Variants in ST6GALNAC6 observed in about 807,000 individuals in gnomAD.
ST6GALNAC6 encodes alpha-N-acetylgalactosaminide alpha-2,6-sialyltransferase 6.
In ST6GALNAC6, 19 loss-of-function variants were observed where a neutral mutation model predicts 34.3. The observed-to-expected ratio is 0.55, with a 90% confidence interval of 0.39 to 0.81. The LOEUF (loss-of-function observed/expected upper bound fraction) is 0.81, where lower values mean the gene tolerates loss of function less well. Ranked by LOEUF, ST6GALNAC6 falls within the 40% of genes least tolerant of loss-of-function variation. The pLI is 0.00. For missense variants in ST6GALNAC6, 377 were observed against 467.7 expected (o/e 0.81, Z 1.79); for synonymous variants, 185 against 182.1 (o/e 1.02, Z -0.13).
Position 127,891,008 on chromosome 9 carries a change from G to A in ST6GALNAC6, c.333C>T (p.Val111=). ...TGCCCAGCAGGTGGCTGGAGCTGCTGACAATCACACACTGGTGGCACCGAG... is the reference window on the plus strand; with the variant it reads ...TGCCCAGCAGGTGGCTGGAGCTGCTAACAATCACACACTGGTGGCACCGAG... ...LPSRCHQCVI[V]SSSSHLLGTK... The change falls in exon 5 of 7, where the codon GTC becomes GTT. Residue 111 remains valine (V), a synonymous_variant. Coordinates refer to ENST00000373146, the MANE Select transcript of ST6GALNAC6 (RefSeq NM_013443.5). 3 of 1,614,080 alleles carry A rather than the reference G, an allele frequency of 1.9e-6. No homozygotes were observed. The highest frequency in any genetic ancestry group is 1.7e-6 in the Non-Finnish European group (2 of 1,180,030).
chr9:127,900,991 C>CAAAAAAAAAAAAAAAAAAAA (rs56673204), upstream of ST6GALNAC6, among the ~76,000 whole-genome samples: 15 of 61,006 alleles, frequency 2.5e-4, no homozygotes, highest in East Asian at 2.5e-3. Flanking sequence ...AACTCCCTAT[C>CAAAAAAAAAAAAAAAAAAAA]AAAAAAAAAA....
At position 127,888,583 on chromosome 9, in the gene ST6GALNAC6, C is replaced by A. The variant is rs183804403; in HGVS notation, c.705-992G>T. ...CAGCACTTTGGGAGGCCAAGGCGGG[C>A]AGATCACGAAGTCAAGAGATTGAGA... On this transcript the variant is annotated intron_variant, in intron 5 of 6. Transcript: ENST00000373146. Among the ~76,000 whole-genome samples the A allele has an allele frequency of 3.3e-4, 49 of 149,720 alleles. No individual in the cohort carries two copies. In the East Asian group the frequency reaches 9.8e-3, roughly 30 times the overall value.
At chr9:127,896,155 G>T in intron 3 of ST6GALNAC6, 87 bp downstream of exon 3, 4 of 1,436,998 alleles carry the variant, frequency 2.8e-6, no homozygotes, top group Non-Finnish European at 3.9e-6. Flanking sequence ...ACTCGTGGTG[G>T]CTGGGGTCTG....
chr9:127,886,866 C>A, intron 6 of ST6GALNAC6, 78 bp from the exon 7 acceptor site: 1 of 1,409,498 alleles, frequency 7.1e-7, no homozygotes, highest in African/African-American at 1.4e-5. Context: ...CCTCGCTTAC[C>A]ATAGGACCTC....
At position 127,886,805 on chromosome 9, in the gene ST6GALNAC6, G is replaced by C; in HGVS notation, c.813-17C>G. 6.3e-7 allele frequency: 1 copy of C among 1,583,000 alleles called. No homozygotes were observed. The highest frequency in any genetic ancestry group is 1.3e-5 in the African/African-American group (1 of 74,210). Reference sequence around the variant, plus strand: ...GGCCGCTGGCTGGGACAGAGCAGACGGGCGTCATCAGGGCAAGGTGAGCGC... The same window carrying C: ...GGCCGCTGGCTGGGACAGAGCAGACCGGCGTCATCAGGGCAAGGTGAGCGC... On this transcript the variant is annotated splice_polypyrimidine_tract_variant and intron_variant, in intron 6 of 6. Transcript: ENST00000373146.
upstream of ST6GALNAC6, among the ~76,000 whole-genome samples, chr9:127,900,168 T>C (rs561223243): frequency 2.0e-3 from 301 of 152,310 alleles, no homozygotes; most frequent in African/African-American, 6.9e-3. Flanking sequence ...ATGACATCAC[T>C]CTACGTGATA....
chr9:127,889,444 CTTT>C (rs200272209), intron 5 of ST6GALNAC6, among the ~76,000 whole-genome samples: 66 of 139,516 alleles, frequency 4.7e-4, no homozygotes, highest in Admixed American at 5.8e-4. Flanking sequence ...TCTTTTTTTT[CTTT>C]TTTTTTTTTT....
In ST6GALNAC6 at chr9:127,890,955, GC is replaced by G. The variant is rs771675051; in HGVS notation, c.385del (p.Ala129LeufsTer7). ...GTKLGPEIER[A>X]ECTIRMNDAP... ...ATCATTCATGCGGATTGTACACTCA[GC>G]CCGCTCGATCTCAGGGCCCAGCTTG... On this transcript the variant is annotated frameshift_variant, in exon 5 of 7. Coordinates refer to ENST00000373146, the MANE Select transcript of ST6GALNAC6 (RefSeq NM_013443.5). LOFTEE classifies it high-confidence loss of function. This position sits in a 1 kb window ranked among gnomAD's most constrained non-coding sequence, Gnocchi z 4.3. 1.2e-6 allele frequency: 2 copies of G among 1,614,164 alleles called. No individual in the cohort carries two copies. The highest frequency in any genetic ancestry group is 2.2e-5 in the South Asian group (2 of 91,070).
intron 4 of ST6GALNAC6, among the ~76,000 whole-genome samples, chr9:127,892,404 C>A (rs962798867): frequency 6.6e-6 from 1 of 152,206 alleles, no homozygotes; most frequent in Non-Finnish European, 1.5e-5. Context: ...CACAAGGTAA[C>A]AACTGAGACA....
At chr9:127,901,307 G>A (rs1219735603), upstream of ST6GALNAC6, among the ~76,000 whole-genome samples, 1 of 152,128 alleles carries the variant, frequency 6.6e-6, no homozygotes, top group Non-Finnish European at 1.5e-5. Context: ...CTACACAATA[G>A]GGGCCGGGCG....
At position 127,890,843 on chromosome 9, in the gene ST6GALNAC6, C is replaced by T. The variant is rs1830091497; in HGVS notation, c.498G>A (p.Arg166=). The change falls in exon 5 of 7, where the codon AGG becomes AGA. Residue 166 remains arginine, a synonymous_variant. Coordinates refer to ENST00000373146, the MANE Select transcript of ST6GALNAC6 (RefSeq NM_013443.5). This position sits in a 1 kb window ranked among gnomAD's most constrained non-coding sequence, Gnocchi z 4.3. ...TCCGGTTGACAAACTCCTGGGGCCTCCTCAGCACGCGGAACACACTGGAAT... is the reference window on the plus strand; with the variant it reads ...TCCGGTTGACAAACTCCTGGGGCCTTCTCAGCACGCGGAACACACTGGAAT... ...VAHSSVFRVL[R]RPQEFVNRTP... 1 of 1,614,160 alleles carries T rather than the reference C, an allele frequency of 6.2e-7. No individual in the cohort carries two copies. Among genetic ancestry groups the T allele is most frequent in the African/African-American group, 1.3e-5 (1 of 75,040 alleles).
At chr9:127,896,985 C>A (rs1232378550) in intron 2 of ST6GALNAC6, 3 of 977,010 alleles carry the variant, frequency 3.1e-6, no homozygotes, top group Non-Finnish European at 3.6e-6. Context: ...GCTAAGGGCA[C>A]AGACTCAAGT....
At position 127,890,166 on chromosome 9, in the gene ST6GALNAC6, G is replaced by C. The variant is rs1830050855; in HGVS notation, c.704+471C>G. On this transcript the variant is annotated intron_variant, in intron 5 of 6. Coordinates refer to ENST00000373146, the MANE Select transcript of ST6GALNAC6 (RefSeq NM_013443.5). This position sits in a 1 kb window ranked among gnomAD's most constrained non-coding sequence, Gnocchi z 4.3. ...ATGTGGCTCACATAGATTTCTATTG[G>C]GCAGCACTGGCCTAGCTTTCCTAGG... is the stretch of plus-strand genomic sequence containing the variant. Among the ~76,000 whole-genome samples the C allele has an allele frequency of 6.6e-6, 1 of 152,202 alleles. No individual in the cohort carries two copies. The highest frequency in any genetic ancestry group is 2.4e-5 in the African/African-American group (1 of 41,452).
intron 3 of ST6GALNAC6, among the ~76,000 whole-genome samples, chr9:127,895,461 G>A (rs1042319711): frequency 6.6e-6 from 1 of 152,158 alleles, no homozygotes; most frequent in African/African-American, 2.4e-5. Flanking sequence ...GGAGGCTGGC[G>A]GCTTCCCCTC....
chr9:127,892,786 T>C (rs1588644491), intron 4 of ST6GALNAC6, among the ~76,000 whole-genome samples: 1 of 152,274 alleles, frequency 6.6e-6, no homozygotes, highest in South Asian at 2.1e-4. Context: ...TGCAATCTGG[T>C]AGATCAATGG....
Position 127,890,972 on chromosome 9 carries a change from G to C in ST6GALNAC6, c.369C>G (p.Gly123=). 6.2e-7 allele frequency: 1 copy of C among 1,614,110 alleles called. No individual in the cohort carries two copies. Residue 123 remains glycine (G), a synonymous_variant, in exon 5 of 7, where the codon GGC becomes GGG. Transcript: ENST00000373146. This position sits in a 1 kb window ranked among gnomAD's most constrained non-coding sequence, Gnocchi z 4.3. ...SSSHLLGTKL[G]PEIERAECTI... is the part of the protein sequence containing the mutation. ...TACACTCAGCCCGCTCGATCTCAGG[G>C]CCCAGCTTGGTGCCCAGCAGGTGGC...
At chr9:127,891,696 A>C (rs958314557) in intron 4 of ST6GALNAC6, among the ~76,000 whole-genome samples, 1 of 145,122 alleles carries the variant, frequency 6.9e-6, no homozygotes, top group African/African-American at 2.5e-5. Context: ...AGGAAAGGGG[A>C]AAAAGGAAAG....
intron 5 of ST6GALNAC6, among the ~76,000 whole-genome samples, chr9:127,889,062 G>A (rs1277494311): frequency 6.6e-6 from 1 of 152,062 alleles, no homozygotes; most frequent in Non-Finnish European, 1.5e-5. Context: ...AAATCTCCTA[G>A]AACAGGCTGG....
upstream of ST6GALNAC6, chr9:127,902,965 A>G (rs942337534): frequency 6.8e-6 from 1 of 147,002 alleles, no homozygotes; most frequent in African/African-American, 2.5e-5. Flanking sequence ...AACAAACTGC[A>G]ATATATAGCA....
Sources: allele counts gnomAD v4.1 joint callset (sites outside exome capture counted in the v4.1 genomes callset), GRCh38; gene constraint gnomAD v4.1.1; non-coding constraint Gnocchi (gnomAD v3.1); transcripts MANE v1.5; gene names NCBI Gene and HGNC (gene_info 2026-07-23, HGNC 2026-07-21).